The following PHLDB2 variants were observed in gnomAD, a reference collection of about 807,000 sequenced individuals.
PHLDB2 encodes pleckstrin homology-like domain family B member 2.
Under a neutral mutation model 123.6 loss-of-function variants are expected in PHLDB2, and 71 were observed. The observed-to-expected ratio is 0.57, with a 90% confidence interval of 0.47 to 0.70. The LOEUF is 0.70. PHLDB2 is among the 30% of genes least tolerant of loss of function. The pLI is 0.00. For missense variants in PHLDB2, 1,446 were observed against 1,519.5 expected, an observed-to-expected ratio of 0.95 and a Z score of 0.80; for synonymous variants, 547 against 541.6, an observed-to-expected ratio of 1.01 and a Z score of -0.14.
rs116083811 is a variant in PHLDB2, at chr3:111,790,027, C to T, written c.-48-55794C>T. On this transcript the variant is annotated intron_variant, in intron 1 of 17. Coordinates refer to the PHLDB2 transcript ENST00000393923. ...GCCAGTGCTATCATGACTCCATGGG[C>T]GTGAGGAGCCTGACTGGGGGCAGGG... 5.6e-3 allele frequency among the ~76,000 whole-genome samples: 860 copies of T among 152,232 alleles called. 2 individuals are homozygous for T. The highest frequency in any genetic ancestry group is 0.012 in the Admixed American group (185 of 15,292).
Position 111,918,256 on chromosome 3 carries a change from G to T in PHLDB2, c.1720-816G>T, listed in dbSNP as rs144717976. The stretch of plus-strand genomic sequence containing the variant: ...ATCTGTCATAGCTCCATTCAGGAGT[G>T]TAACTATGCACTCTCTCACTTGTTT... On this transcript the variant is annotated intron_variant, in intron 3 of 17. Transcript: ENST00000431670. Among the ~76,000 whole-genome samples the T allele has an allele frequency of 2.7e-3, 410 of 152,296 alleles. 2 individuals are homozygous for T. The highest frequency in any genetic ancestry group is 9.7e-3 in the African/African-American group (404 of 41,556).
intron 1 of PHLDB2, among the ~76,000 whole-genome samples, chr3:111,881,684 A>G (rs1172187275): frequency 6.6e-6 from 1 of 151,880 alleles, no homozygotes; most frequent in Admixed American, 6.6e-5. Context: ...GTTACTTTTC[A>G]TAAGACATCT....
At chr3:111,777,680 T>A (rs1241770890) in intron 1 of PHLDB2, among the ~76,000 whole-genome samples, 1 of 146,000 alleles carries the variant, frequency 6.8e-6, no homozygotes, top group Non-Finnish European at 1.5e-5. Context: ...GGTAACCCCA[T>A]ATGCATCATA....
intron 12 of PHLDB2, 83 bp downstream of exon 12, chr3:111,954,112 G>A: frequency 3.9e-6 from 5 of 1,278,012 alleles, no homozygotes; most frequent in Non-Finnish European, 5.5e-6. Context: ...ACAGGGGTAG[G>A]GATGATTAGA....
intron 1 of PHLDB2, among the ~76,000 whole-genome samples, chr3:111,772,510 T>A (rs1158950561): frequency 1.3e-5 from 2 of 152,102 alleles, no homozygotes; most frequent in Non-Finnish European, 2.9e-5. Flanking sequence ...GCTGGAGGGC[T>A]TTTTAAAGCT....
At chr3:111,941,169 T>C (rs2069857268) in intron 8 of PHLDB2, among the ~76,000 whole-genome samples, 1 of 152,208 alleles carries the variant, frequency 6.6e-6, no homozygotes, top group Non-Finnish European at 1.5e-5. Context: ...AAGATCATCC[T>C]CACCAAAGAG....
At chr3:111,911,014 G>A (rs1355775134) in intron 2 of PHLDB2, among the ~76,000 whole-genome samples, 1 of 152,224 alleles carries the variant, frequency 6.6e-6, no homozygotes, top group East Asian at 1.9e-4. Flanking sequence ...CTGTTCACAA[G>A]CCTTTGAATA....
At chr3:111,839,158 G>C (rs1576834433) in intron 1 of PHLDB2, among the ~76,000 whole-genome samples, 1 of 152,076 alleles carries the variant, frequency 6.6e-6, no homozygotes, top group East Asian at 1.9e-4. Flanking sequence ...AATTAGCCAA[G>C]AGGCCACCCA....
chr3:111,830,507 CAAAA>C (rs397990816), intron 1 of PHLDB2, among the ~76,000 whole-genome samples: 36 of 115,832 alleles, frequency 3.1e-4, no homozygotes, highest in Admixed American at 5.3e-4. Context: ...AGGAACATGG[CAAAA>C]AAAAAAAAAA....
chr3:111,808,299 T>C (rs4524247), intron 1 of PHLDB2, among the ~76,000 whole-genome samples: 142,709 of 152,114 alleles, frequency 0.94, 67,563 homozygotes, highest in East Asian at 1. Context: ...CCAGATGTTC[T>C]ATCCACAGAT....
At chr3:111,905,229 T>A (rs1229505592) in intron 2 of PHLDB2, among the ~76,000 whole-genome samples, 1 of 152,202 alleles carries the variant, frequency 6.6e-6, no homozygotes, top group Admixed American at 6.5e-5. Flanking sequence ...TTGACTACTA[T>A]TTTGTTCTGG....
At position 111,969,876 on chromosome 3, in the gene PHLDB2, G is replaced by T. The variant is rs1182878056; in HGVS notation, c.3502G>T (p.Asp1168Tyr). Reference sequence around the variant, plus strand: ...GTGGAAAAAACGTTGGTTTGTTTTTGATCGGAACAAGCGAACATTCTCTTA... The same window carrying T: ...GTGGAAAAAACGTTGGTTTGTTTTTTATCGGAACAAGCGAACATTCTCTTA... ...KTWKKRWFVF[D>Y]RNKRTFSYYA... Residue 1168 changes from aspartate to tyrosine, a missense_variant, in exon 16 of 18, where the codon GAT (aspartate) becomes TAT (tyrosine). This residue lies in a region of PHLDB2 where 594 missense variants were observed against 646.0 expected (regional missense o/e 0.92). Coordinates refer to ENST00000431670, the MANE Select transcript of PHLDB2 (RefSeq NM_001134438.2). 1.2e-6 allele frequency: 2 copies of T among 1,613,966 alleles called. No homozygotes were observed. Among genetic ancestry groups the T allele is most frequent in the East Asian group, 2.2e-5 (1 of 44,880 alleles).
At chr3:111,862,997 A>G (rs1308338872) in intron 1 of PHLDB2, among the ~76,000 whole-genome samples, 1 of 152,202 alleles carries the variant, frequency 6.6e-6, no homozygotes, top group African/African-American at 2.4e-5. Flanking sequence ...ATTCAGGCAA[A>G]TGGGAACAAA....
At position 111,920,439 on chromosome 3, in the gene PHLDB2, C is replaced by G. The variant is rs1202295706; in HGVS notation, c.2001+20C>G. ...ACCAAGGTAAAAGAAAATTATATTT[C>G]AATGCAGTTTTTATGGGCAAAGTGG... On this transcript the variant is annotated intron_variant, in intron 5 of 17. Coordinates refer to ENST00000431670, the MANE Select transcript of PHLDB2 (RefSeq NM_001134438.2). 6.2e-7 allele frequency: 1 copy of G among 1,608,302 alleles called. No homozygotes were observed. The highest frequency in any genetic ancestry group is 8.5e-7 in the Non-Finnish European group (1 of 1,177,702).
chr3:111,802,559 C>A (rs1335433920), intron 1 of PHLDB2, among the ~76,000 whole-genome samples: 2 of 152,184 alleles, frequency 1.3e-5, no homozygotes, highest in Admixed American at 6.5e-5. Context: ...TGACGTGTAA[C>A]CTCTTGTGAA....
chr3:111,926,715 A>G (rs2107551723), intron 5 of PHLDB2, among the ~76,000 whole-genome samples: 1 of 152,262 alleles, frequency 6.6e-6, no homozygotes. Flanking sequence ...ATGGTTGGTT[A>G]CTCAACAATC....
chr3:111,861,552 A>T (rs2064836533), intron 1 of PHLDB2, among the ~76,000 whole-genome samples: 1 of 152,220 alleles, frequency 6.6e-6, no homozygotes, highest in Non-Finnish European at 1.5e-5. Context: ...TCATCATTTC[A>T]GTCAATTTGC....
At chr3:111,968,721 C>T (rs964472011) in intron 15 of PHLDB2, among the ~76,000 whole-genome samples, 1 of 152,042 alleles carries the variant, frequency 6.6e-6, no homozygotes, top group African/African-American at 2.4e-5. Context: ...ACCAAAGTAC[C>T]ACATAATCAA....
intron 5 of PHLDB2, among the ~76,000 whole-genome samples, chr3:111,922,431 C>A (rs72938295): frequency 0.019 from 2,967 of 152,260 alleles, 77 homozygotes; most frequent in African/African-American, 0.067. Context: ...TCCATCCTTC[C>A]TAATATTGTT....
Sources: gnomAD v4.1 joint callset for allele counts (sites outside exome capture counted in the v4.1 genomes callset) on GRCh38, gnomAD v4.1.1 for gene constraint, gnomAD v4.1.1 regional missense constraint, MANE v1.5 for transcripts, NCBI Gene and HGNC (gene_info 2026-07-23, HGNC 2026-07-21) for gene names.